The following CEP63 variants were observed in gnomAD, a reference collection of about 807,000 sequenced individuals.
The protein encoded by CEP63 is centrosomal protein of 63 kDa.
Under a neutral mutation model 89.1 loss-of-function variants are expected in CEP63, and 84 were observed. The ratio of observed to expected loss-of-function variants is 0.94; its 90% CI spans 0.79 to 1.13. The LOEUF is 1.13. Among genes scored for constraint, CEP63 ranks in the 50% most tolerant of loss-of-function variants. The pLI is 0.00. For missense variants in CEP63, 838 were observed against 813.3 expected (o/e 1.03, Z -0.37); for synonymous variants, 267 against 272.5 (o/e 0.98, Z 0.20).
the CEP63 span, among the ~76,000 whole-genome samples, chr3:134,624,780 GGGGCTTGCCAAT>G: frequency 1.3e-5 from 2 of 152,228 alleles, no homozygotes; most frequent in African/African-American, 2.4e-5. Flanking sequence ...GCTGGCCAGA[GGGGCTTGCCAAT>G]GAAGAGCTCC....
chr3:134,607,285 T>G, the CEP63 span: 1 of 985,386 alleles, frequency 1.0e-6, no homozygotes, highest in South Asian at 4.7e-5. Context: ...TTGCAAGAGC[T>G]CAGCAACTTG....
At chr3:134,622,196 C>A in the CEP63 span, among the ~76,000 whole-genome samples, 1 of 152,134 alleles carries the variant, frequency 6.6e-6, no homozygotes, top group Non-Finnish European at 1.5e-5. Context: ...TATGATCTAG[C>A]AATTTCAGTC....
intron 12 of CEP63, among the ~76,000 whole-genome samples, chr3:134,555,563 C>T (rs199530215): frequency 0.32 from 48,029 of 151,208 alleles, 7,890 homozygotes; most frequent in African/African-American, 0.36. Context: ...ATCCAACTTA[C>T]AAGGGATGTG....
chr3:134,637,494 A>G, the CEP63 span, among the ~76,000 whole-genome samples: 1 of 152,214 alleles, frequency 6.6e-6, no homozygotes, highest in Admixed American at 6.5e-5. Flanking sequence ...TGTAGTAAAG[A>G]ACTCTATTTG....
At chr3:134,724,067 A>T in the CEP63 span, among the ~76,000 whole-genome samples, 33,243 of 151,932 alleles carry the variant, frequency 0.22, 3,830 homozygotes, top group African/African-American at 0.29. Context: ...GTGGGGTGAG[A>T]TTGCTATTAT....
At chr3:134,779,442 C>A in the CEP63 span, among the ~76,000 whole-genome samples, 2 of 152,162 alleles carry the variant, frequency 1.3e-5, no homozygotes, top group Admixed American at 1.3e-4. Flanking sequence ...TTATGTCTGT[C>A]TCCTGGCATA....
the CEP63 span, among the ~76,000 whole-genome samples, chr3:134,602,936 G>C: frequency 7.2e-5 from 11 of 152,322 alleles, no homozygotes; most frequent in South Asian, 2.3e-3. Context: ...TGTTGGAGAC[G>C]ATCAGCTTCC....
the CEP63 span, among the ~76,000 whole-genome samples, chr3:134,686,129 C>G: frequency 6.6e-6 from 1 of 152,148 alleles, no homozygotes; most frequent in South Asian, 2.1e-4. Flanking sequence ...ATGGAAAGAA[C>G]CTGGCACAGT....
intron 12 of CEP63, among the ~76,000 whole-genome samples, chr3:134,555,009 C>T (rs1489611190): frequency 6.6e-6 from 1 of 151,958 alleles, no homozygotes; most frequent in African/African-American, 2.4e-5. Flanking sequence ...AGTAGGTTGC[C>T]AAAGACAAAA....
chr3:134,743,273 C>T, the CEP63 span, among the ~76,000 whole-genome samples: 1 of 152,170 alleles, frequency 6.6e-6, no homozygotes, highest in Non-Finnish European at 1.5e-5. Flanking sequence ...TCACTGGACT[C>T]ATGCAAGTAG....
chr3:134,601,468 C>A, the CEP63 span, among the ~76,000 whole-genome samples: 1 of 152,336 alleles, frequency 6.6e-6, no homozygotes, highest in South Asian at 2.1e-4. Context: ...CATGCGTCAT[C>A]GAAGGCACTT....
chr3:134,561,320 T>C, intron 14 of CEP63, 57 bp from the exon 15 acceptor site: 1 of 1,448,940 alleles, frequency 6.9e-7, no homozygotes, highest in East Asian at 2.3e-5. Flanking sequence ...GAACAGTGTA[T>C]CTTAGAAATA....
chr3:134,711,926 C>T, the CEP63 span, among the ~76,000 whole-genome samples: 1 of 151,972 alleles, frequency 6.6e-6, no homozygotes, highest in Non-Finnish European at 1.5e-5. Flanking sequence ...CCATGCCCGG[C>T]TAATTTTTAT....
chr3:134,543,961 TA>T (rs10718830), intron 6 of CEP63, among the ~76,000 whole-genome samples: 97,446 of 147,760 alleles, frequency 0.66, 32,141 homozygotes, highest in East Asian at 0.82. Context: ...GGGATCTGGT[TA>T]AAAAAAAAAA....
intron 5 of CEP63, chr3:134,536,215 C>T (rs1950753728): frequency 6.6e-6 from 1 of 152,270 alleles, no homozygotes; most frequent in African/African-American, 2.4e-5. Flanking sequence ...CTATACCATA[C>T]AAGAAATGTG....
At chr3:134,624,038 G>C in the CEP63 span, among the ~76,000 whole-genome samples, 2 of 152,140 alleles carry the variant, frequency 1.3e-5, no homozygotes, top group East Asian at 3.9e-4. Context: ...ATTTCCCCTG[G>C]ATGTGCCACA....
chr3:134,704,148 T>G, the CEP63 span, among the ~76,000 whole-genome samples: 2 of 152,242 alleles, frequency 1.3e-5, no homozygotes, highest in Non-Finnish European at 2.9e-5. Context: ...TGTTTTAGTC[T>G]GAAATGCCTT....
At chr3:134,640,811 C>G in the CEP63 span, among the ~76,000 whole-genome samples, 1 of 152,236 alleles carries the variant, frequency 6.6e-6, no homozygotes, top group Non-Finnish European at 1.5e-5. Flanking sequence ...CCCAAATCCA[C>G]ACCATGGGGG....
the CEP63 span, among the ~76,000 whole-genome samples, chr3:134,675,706 T>C: frequency 1.3e-5 from 2 of 152,174 alleles, no homozygotes; most frequent in African/African-American, 4.8e-5. Flanking sequence ...TCTGATTAAA[T>C]AATGGCCAAA....
Sources: gnomAD v4.1 joint callset for allele counts (sites outside exome capture counted in the v4.1 genomes callset) on GRCh38, gnomAD v4.1.1 for gene constraint, MANE v1.5 for transcripts, NCBI Gene and HGNC (gene_info 2026-07-23, HGNC 2026-07-21) for gene names.